MARVELD2: variants seen among roughly 807,000 people sequenced by gnomAD.
MARVELD2 encodes the protein MARVEL domain containing 2.
A neutral mutation model predicts 57.6 loss-of-function variants in MARVELD2; 49 were observed. The observed-to-expected ratio is 0.85, with a 90% CI of 0.68 to 1.08. MARVELD2 has a LOEUF of 1.08. MARVELD2 is among the 50% of genes least tolerant of loss of function. The probability of loss-of-function intolerance (pLI) is 0.00; values close to 1 mark genes in which losing one functional copy is unlikely to be tolerated. For synonymous variants in MARVELD2, 238 were observed against 258.8 expected (o/e 0.92, Z 0.77); for missense variants, 606 against 701.1 (o/e 0.86, Z 1.53).
intron 1 of MARVELD2, among the ~76,000 whole-genome samples, chr5:69,418,396 A>G (rs1258997039): frequency 6.6e-6 from 1 of 152,240 alleles, no homozygotes; most frequent in Non-Finnish European, 1.5e-5. Flanking sequence ...CAGGCTTAGT[A>G]AAAGTGCATT....
intron 1 of MARVELD2, among the ~76,000 whole-genome samples, chr5:69,418,191 T>C (rs1766488427): frequency 6.6e-6 from 1 of 152,200 alleles, no homozygotes; most frequent in Non-Finnish European, 1.5e-5. Flanking sequence ...TCAAGTACAA[T>C]ACCATGTGCC....
chr5:69,432,276 G>T (rs1766987701), intron 3 of MARVELD2, among the ~76,000 whole-genome samples: 2 of 152,138 alleles, frequency 1.3e-5, no homozygotes, highest in African/African-American at 4.8e-5. Flanking sequence ...TTCCCAAAGT[G>T]CTGGGATTAC....
chr5:69,437,143 C>A (rs1204469692), intron 5 of MARVELD2, among the ~76,000 whole-genome samples: 1 of 148,604 alleles, frequency 6.7e-6, no homozygotes. Context: ...GAGCTGAGAT[C>A]GTGCCACTAC....
chr5:69,439,096 A>G (rs904471687), intron 5 of MARVELD2, among the ~76,000 whole-genome samples: 1 of 150,466 alleles, frequency 6.6e-6, no homozygotes. Context: ...AAGAAAATAT[A>G]CTGGGAAAAG....
intron 3 of MARVELD2, 149 bp from the exon 4 acceptor site, chr5:69,432,378 T>G: frequency 1.2e-6 from 1 of 856,602 alleles, no homozygotes; most frequent in South Asian, 1.5e-5. Flanking sequence ...TGGCCTCATG[T>G]GATCCTCCGG....
rs761491133 is a variant in MARVELD2, at chr5:69,433,088, CGACAGGTTAGTATGTGCAGCTGCCTAG to C, written c.1501_1503+24del. 14 of 1,612,638 alleles carry C rather than the reference CGACAGGTTAGTATGTGCAGCTGCCTAG, an allele frequency of 8.7e-6. No homozygotes were observed. Among genetic ancestry groups the C allele is most frequent in the African/African-American group, 1.3e-5 (1 of 74,548 alleles). On this transcript the variant is annotated splice_donor_variant and splice_donor_5th_base_variant and coding_sequence_variant and intron_variant, in exon 5 of 7. Coordinates refer to ENST00000325631, the MANE Select transcript of MARVELD2 (RefSeq NM_001038603.3). LOFTEE classifies it high-confidence loss of function. The stretch of plus-strand genomic sequence containing the variant: ...CAGATTGCCACATCATTCGGAAAGC[CGACAGGTTAGTATGTGCAGCTGCCTAG>C]GAGGAGCACTGAAATCTAGAGGATG...
chr5:69,441,530 A>G lies in MARVELD2; in HGVS notation c.1555-2A>G. On this transcript the variant is annotated splice_acceptor_variant, in intron 6 of 6. Coordinates refer to ENST00000325631, the MANE Select transcript of MARVELD2 (RefSeq NM_001038603.3). LOFTEE classifies it high-confidence loss of function. ...AAAATAATACTTATATTTCTTTTAC[A>G]GGATCCTACATTTCTGGAAAAAAAA... 2 of 1,610,356 alleles carry G rather than the reference A, an allele frequency of 1.2e-6. No individual in the cohort carries two copies. Among genetic ancestry groups the G allele is most frequent in the Non-Finnish European group, 1.7e-6 (2 of 1,177,660 alleles).
At chr5:69,434,728 C>T (rs1767079113) in intron 5 of MARVELD2, among the ~76,000 whole-genome samples, 1 of 151,896 alleles carries the variant, frequency 6.6e-6, no homozygotes, top group African/African-American at 2.4e-5. Flanking sequence ...TGGAGTTTTG[C>T]TCTTGTTGCC....
At chr5:69,435,091 C>T (rs1180930879) in intron 5 of MARVELD2, among the ~76,000 whole-genome samples, 2 of 149,200 alleles carry the variant, frequency 1.3e-5, no homozygotes, top group Non-Finnish European at 3.0e-5. Flanking sequence ...GGTGCAATCT[C>T]GGCTCACTGC....
intron 2 of MARVELD2, among the ~76,000 whole-genome samples, chr5:69,422,246 G>A (rs1434232069): frequency 6.6e-6 from 1 of 152,176 alleles, no homozygotes; most frequent in African/African-American, 2.4e-5. Flanking sequence ...AGGGAACAAG[G>A]GAGATAACCT....
rs748616459 is a variant in MARVELD2 at position 69,432,954 on chromosome 5, G to A, written c.1364G>A (p.Arg455Gln). Residue 455 changes from arginine (R) to glutamine (Q), a missense_variant, in exon 5 of 7, where the codon CGA becomes CAA. Transcript: ENST00000325631. ...KYPVIQTDDE[R>Q]ERYKAVFQDQ... ...CCTGTGATTCAGACAGATGATGAGC[G>A]AGAACGCTATAAAGCTGTGTTCCAA... The A allele has an allele frequency of 7.4e-6, 12 of 1,614,056 alleles. No homozygotes were observed. In the South Asian group the frequency reaches 7.7e-5, roughly 10 times the overall value.
At position 69,420,114 on chromosome 5, in the gene MARVELD2, T is replaced by G; in HGVS notation, c.729T>G (p.Tyr243Ter). The G allele has an allele frequency of 1.2e-6, 2 of 1,614,126 alleles. No homozygotes were observed. The highest frequency in any genetic ancestry group is 1.7e-6 in the Non-Finnish European group (2 of 1,180,012). The change falls in exon 2 of 7, where the codon TAT (tyrosine) becomes TAG (stop). Residue 243 changes from tyrosine to a stop codon, truncating the protein, a stop_gained. Transcript: ENST00000325631. LOFTEE classifies it high-confidence loss of function. ...MGGVGGLGSMYGGYYYTGPKT... is the reference protein window; with the variant it reads ...MGGVGGLGSM Reference sequence around the variant, plus strand: ...GCGTTGGTGGATTGGGCAGTATGTATGGGGGCTATTACTACACTGGCCCTA... The same window carrying G: ...GCGTTGGTGGATTGGGCAGTATGTAGGGGGGCTATTACTACACTGGCCCTA...
In MARVELD2 at chr5:69,419,503, G is replaced by T. The variant is rs748212061; in HGVS notation, c.118G>T (p.Ala40Ser). Reference sequence around the variant, plus strand: ...CCCAACTCTTCATGACAGTGAGCGGGCAGTGAGCGCTGATCCCTTGCCACC... The same window carrying T: ...CCCAACTCTTCATGACAGTGAGCGGTCAGTGAGCGCTGATCCCTTGCCACC... ...THPTLHDSER[A>S]VSADPLPPPP... The change falls in exon 2 of 7, where the codon GCA (alanine) becomes TCA (serine). Residue 40 changes from alanine to serine, a missense_variant. Physicochemically the swap from Ala to Ser is moderately conservative, Grantham distance 99. Transcript: ENST00000325631. The T allele has an allele frequency of 1.9e-6, 3 of 1,613,944 alleles. No homozygotes were observed. The highest frequency in any genetic ancestry group is 2.5e-6 in the Non-Finnish European group (3 of 1,179,862).
chr5:69,428,843 A>C (rs965884015), intron 3 of MARVELD2, among the ~76,000 whole-genome samples: 3 of 152,186 alleles, frequency 2.0e-5, no homozygotes, highest in African/African-American at 7.2e-5. Context: ...CCATGTGTCC[A>C]TATGGGGGTC....
At chr5:69,415,360 C>T (rs973506767) in intron 1 of MARVELD2, 190 bp downstream of exon 1, 1 of 152,156 alleles carries the variant, frequency 6.6e-6, no homozygotes, top group African/African-American at 2.4e-5. Flanking sequence ...GCAGGTGCGG[C>T]CGAGCCGCCG....
Position 69,419,552 on chromosome 5 carries a change from C to A in MARVELD2, c.167C>A (p.Pro56Gln). Residue 56 changes from proline to glutamine, a missense_variant, in exon 2 of 7, where the codon CCA becomes CAA. Physicochemically the swap from Pro to Gln is moderately conservative, Grantham distance 76. Coordinates refer to ENST00000325631, the MANE Select transcript of MARVELD2 (RefSeq NM_001038603.3). Reference sequence around the variant, plus strand: ...CCACCCCCTCTCCCATTACAGCCACCATTCGGCCCAGACTTCTACTCAAGT... The same window carrying A: ...CCACCCCCTCTCCCATTACAGCCACAATTCGGCCCAGACTTCTACTCAAGT... The part of the protein sequence containing the change: ...LPPPPLPLQP[P>Q]FGPDFYSSDT... The A allele has an allele frequency of 6.2e-7, 1 of 1,614,166 alleles. No homozygotes were observed. Among genetic ancestry groups the A allele is most frequent in the Non-Finnish European group, 8.5e-7 (1 of 1,180,028 alleles).
intron 1 of MARVELD2, among the ~76,000 whole-genome samples, chr5:69,416,220 A>G (rs1446067002): frequency 6.6e-6 from 1 of 152,226 alleles, no homozygotes; most frequent in African/African-American, 2.4e-5. Context: ...TTTCTTAGGA[A>G]TGTGTTTCAA....
At chr5:69,427,656 A>T (rs1766835435) in intron 3 of MARVELD2, among the ~76,000 whole-genome samples, 1 of 152,250 alleles carries the variant, frequency 6.6e-6, no homozygotes, top group Non-Finnish European at 1.5e-5. Flanking sequence ...AAGAACGGTC[A>T]TGTTACTCTG....
Position 69,438,597 on chromosome 5 carries a change from AAGTT to A in MARVELD2, c.1504-1850_1504-1847del, listed in dbSNP as rs1192079898. On this transcript the variant is annotated intron_variant, in intron 5 of 6. Transcript: ENST00000325631. ...ACTGCATCTACACACAAAAAAGTAA[AAGTT>A]AGCGGCCGGTCATGGTGGCTCACAC... Among the ~76,000 whole-genome samples, 7 of 152,012 alleles carry A rather than the reference AAGTT, an allele frequency of 4.6e-5. No homozygotes were observed. In the East Asian group the frequency reaches 9.7e-4, roughly 21 times the overall value.
Sources: gnomAD v4.1 joint callset for allele counts (sites outside exome capture counted in the v4.1 genomes callset) on GRCh38, gnomAD v4.1.1 for gene constraint, MANE v1.5 for transcripts, NCBI Gene and HGNC (gene_info 2026-07-23, HGNC 2026-07-21) for gene names.